Variants in CDH4 observed in about 807,000 individuals in gnomAD.
CDH4 encodes cadherin-4.
Under a neutral mutation model 86.0 loss-of-function variants are expected in CDH4, and 33 were observed. The ratio of observed to expected loss-of-function variants is 0.38; its 90% CI spans 0.29 to 0.51. The LOEUF is 0.51. Ranked by LOEUF, CDH4 falls within the 20% of genes least tolerant of loss-of-function variation. The pLI, the probability that CDH4 is intolerant of heterozygous loss-of-function variation, is 0.86. For synonymous variants in CDH4, 555 were observed against 549.4 expected (o/e 1.01, Z -0.14); for missense variants, 1,114 against 1,307.4 (o/e 0.85, Z 2.28).
intron 2 of CDH4, among the ~76,000 whole-genome samples, chr20:61,613,618 A>G (rs2086703001): frequency 6.7e-6 from 1 of 149,504 alleles, no homozygotes; most frequent in African/African-American, 2.5e-5. Context: ...AAAAAGATCT[A>G]GTGAACTGGA....
chr20:61,822,921 C>T (rs537566879), intron 4 of CDH4, among the ~76,000 whole-genome samples: 269 of 152,290 alleles, frequency 1.8e-3, no homozygotes, highest in Non-Finnish European at 2.8e-3. Flanking sequence ...ACCCAACTGC[C>T]GTCACCTCCA....
intron 2 of CDH4, among the ~76,000 whole-genome samples, chr20:61,547,592 T>TG (rs1040777062): frequency 8.1e-6 from 1 of 123,250 alleles, no homozygotes; most frequent in African/African-American, 3.0e-5. Flanking sequence ...GGGGTGGGGG[T>TG]GGGGGGATAC....
intron 2 of CDH4, among the ~76,000 whole-genome samples, chr20:61,296,291 G>A (rs1265716966): frequency 2.0e-5 from 3 of 151,040 alleles, no homozygotes; most frequent in Non-Finnish European, 4.4e-5. Flanking sequence ...GTGCGTGTGT[G>A]TGTGTGCGTG....
intron 2 of CDH4, among the ~76,000 whole-genome samples, chr20:61,682,141 T>G (rs1177193694): frequency 6.6e-6 from 1 of 152,060 alleles, no homozygotes; most frequent in Non-Finnish European, 1.5e-5. Flanking sequence ...AATGGGTGGA[T>G]AGAGGGTAGA....
In CDH4 at chr20:61,254,897, A is replaced by G. The variant is rs1314702892; in HGVS notation, c.129A>G (p.Leu43=). 1 of 1,613,108 alleles carries G rather than the reference A, an allele frequency of 6.2e-7. No homozygotes were observed. Among genetic ancestry groups the G allele is most frequent in the Non-Finnish European group, 8.5e-7 (1 of 1,179,034 alleles). Residue 43 remains leucine (L), a synonymous_variant, in exon 2 of 16, where the codon TTA becomes TTG. Coordinates refer to ENST00000614565, the MANE Select transcript of CDH4 (RefSeq NM_001794.5). ...AGFSEDDYTA[L]ISQNILEGEK... ...TCTCTGAAGATGATTACACGGCATTAATCTCCCAAAATATTCTAGAAGGGG... is the reference window on the plus strand; with the variant it reads ...TCTCTGAAGATGATTACACGGCATTGATCTCCCAAAATATTCTAGAAGGGG...
chr20:61,550,398 G>T (rs968340396), intron 2 of CDH4, among the ~76,000 whole-genome samples: 4 of 152,154 alleles, frequency 2.6e-5, no homozygotes, highest in African/African-American at 7.2e-5. Flanking sequence ...TGCCTCCCTG[G>T]CTGCTCTCAG....
At chr20:61,317,107 G>A (rs368501312) in intron 2 of CDH4, among the ~76,000 whole-genome samples, 50 of 152,002 alleles carry the variant, frequency 3.3e-4, no homozygotes, top group African/African-American at 1.0e-3. Context: ...GGCCAGGTGC[G>A]GTGGCTCATG....
chr20:61,367,865 A>G (rs116183586), intron 2 of CDH4, among the ~76,000 whole-genome samples: 1 of 137,368 alleles, frequency 7.3e-6, no homozygotes, highest in African/African-American at 2.9e-5. Context: ...TTTCTCCAGG[A>G]TCTTTTTTTT....
intron 2 of CDH4, among the ~76,000 whole-genome samples, chr20:61,531,074 A>C (rs2085948143): frequency 6.6e-6 from 1 of 152,048 alleles, no homozygotes; most frequent in Admixed American, 6.5e-5. Flanking sequence ...CTGCTGAGGG[A>C]AATTCGGTAC....
chr20:61,849,446 T>C (rs1263444317), intron 5 of CDH4, among the ~76,000 whole-genome samples: 1 of 152,194 alleles, frequency 6.6e-6, no homozygotes, highest in African/African-American at 2.4e-5. Context: ...GAAGTCCAGA[T>C]GGGCTTGGCT....
At chr20:61,735,003 C>T (rs1298498178) in intron 2 of CDH4, among the ~76,000 whole-genome samples, 2 of 151,438 alleles carry the variant, frequency 1.3e-5, no homozygotes, top group Non-Finnish European at 2.9e-5. Context: ...GCGGCCCCTC[C>T]CTGTGGCCCC....
At chr20:61,778,064 A>G (rs759994711) in intron 4 of CDH4, among the ~76,000 whole-genome samples, 4 of 152,200 alleles carry the variant, frequency 2.6e-5, no homozygotes, top group African/African-American at 9.6e-5. Flanking sequence ...CTACACGTTC[A>G]TGTTTGCCAC....
intron 2 of CDH4, among the ~76,000 whole-genome samples, chr20:61,383,444 T>C (rs2084923165): frequency 4.4e-5 from 1 of 22,862 alleles, no homozygotes; most frequent in Non-Finnish European, 8.8e-5. Context: ...TATATGAATA[T>C]ATATTCATAT....
intron 2 of CDH4, among the ~76,000 whole-genome samples, chr20:61,266,107 C>T (rs1456803073): frequency 1.3e-5 from 2 of 152,118 alleles, no homozygotes; most frequent in Non-Finnish European, 2.9e-5. Flanking sequence ...GATAAATATC[C>T]ACAGGGCCCC....
intron 2 of CDH4, among the ~76,000 whole-genome samples, chr20:61,311,467 T>C (rs1248865845): frequency 6.6e-6 from 1 of 152,170 alleles, no homozygotes; most frequent in Non-Finnish European, 1.5e-5. Flanking sequence ...CAATGCAAAT[T>C]AGGACAGTGC....
chr20:61,655,201 A>G (rs930764366), intron 2 of CDH4, among the ~76,000 whole-genome samples: 5 of 152,200 alleles, frequency 3.3e-5, no homozygotes, highest in African/African-American at 1.2e-4. Flanking sequence ...CACATGGGAA[A>G]ACGGCTGGAC....
In CDH4 at chr20:61,507,640, G is replaced by A. The variant is rs187690359; in HGVS notation, c.170-235923G>A. Among the ~76,000 whole-genome samples the A allele has an allele frequency of 3.6e-3, 551 of 152,228 alleles. 2 individuals carry two copies. Among genetic ancestry groups the A allele is most frequent in the African/African-American group, 0.013 (536 of 41,536 alleles). On this transcript the variant is annotated intron_variant, in intron 2 of 15. Transcript: ENST00000614565. ...GACCCGTACTCCTCAAACCATCAAG[G>A]TCACCAAAAATGAGGAAAATCTGAG...
intron 2 of CDH4, among the ~76,000 whole-genome samples, chr20:61,733,028 G>T (rs8124461): frequency 3.3e-5 from 5 of 151,758 alleles, no homozygotes; most frequent in Admixed American, 1.3e-4. Context: ...GAAAACGGGG[G>T]TGCTCTGGGC....
intron 2 of CDH4, among the ~76,000 whole-genome samples, chr20:61,350,902 A>G (rs1237374953): frequency 1.3e-5 from 2 of 152,204 alleles, no homozygotes; most frequent in Non-Finnish European, 2.9e-5. Flanking sequence ...TTGAAAGGAA[A>G]TATTGTACAC....
Sources: allele counts gnomAD v4.1 joint callset (sites outside exome capture counted in the v4.1 genomes callset), GRCh38; gene constraint gnomAD v4.1.1; transcripts MANE v1.5; gene names NCBI Gene and HGNC (gene_info 2026-07-23, HGNC 2026-07-21).